Variants in MCU observed in about 807,000 individuals in gnomAD.
The protein encoded by MCU is calcium uniporter protein, mitochondrial.
In MCU, 12 loss-of-function variants were observed where a neutral mutation model predicts 45.2. That is an observed-to-expected ratio of 0.27 (90% CI 0.17 to 0.43). MCU has a LOEUF of 0.43. Ranked by LOEUF, MCU falls within the 20% of genes least tolerant of loss-of-function variation. The pLI, the probability that MCU is intolerant of heterozygous loss-of-function variation, is 1.00. For missense variants in MCU, 324 were observed against 436.7 expected (o/e 0.74, Z 2.30); for synonymous variants, 160 against 165.1 (o/e 0.97, Z 0.24).
intron 1 of MCU, among the ~76,000 whole-genome samples, chr10:72,739,141 A>G (rs1843290452): frequency 6.6e-6 from 1 of 152,178 alleles, no homozygotes; most frequent in African/African-American, 2.4e-5. Context: ...AAGTTATTGA[A>G]GTAGAAACTA....
At chr10:72,780,818 G>T (rs1158089533) in intron 1 of MCU, among the ~76,000 whole-genome samples, 1 of 152,022 alleles carries the variant, frequency 6.6e-6, no homozygotes, top group Non-Finnish European at 1.5e-5. Context: ...TACACTCACA[G>T]GCTTATTTGT....
intron 1 of MCU, among the ~76,000 whole-genome samples, chr10:72,741,413 T>C (rs1843330495): frequency 6.6e-6 from 1 of 152,218 alleles, no homozygotes; most frequent in Non-Finnish European, 1.5e-5. Flanking sequence ...AGTAGCATTT[T>C]CTTGACCATA....
intron 1 of MCU, among the ~76,000 whole-genome samples, chr10:72,822,638 C>T (rs890115390): frequency 2.0e-5 from 3 of 152,140 alleles, no homozygotes; most frequent in Non-Finnish European, 2.9e-5. Flanking sequence ...ATCAAAGCCA[C>T]GATGAGATAC....
intron 1 of MCU, among the ~76,000 whole-genome samples, chr10:72,720,033 G>A (rs991100865): frequency 3.9e-5 from 6 of 151,928 alleles, no homozygotes; most frequent in East Asian, 1.9e-4. Flanking sequence ...AAAATACTAC[G>A]CCCATCTAAT....
At chr10:72,816,168 C>T (rs1440190691) in intron 1 of MCU, among the ~76,000 whole-genome samples, 1 of 151,948 alleles carries the variant, frequency 6.6e-6, no homozygotes, top group African/African-American at 2.4e-5. Flanking sequence ...GAGACTCCAT[C>T]TCAAAAAAAT....
rs546633492 is a variant in MCU at position 72,857,385 on chromosome 10, G to A, written c.221-1792G>A. Among the ~76,000 whole-genome samples the A allele has an allele frequency of 7.8e-4, 119 of 151,986 alleles. 3 individuals carry two copies. In the South Asian group the frequency reaches 0.021, roughly 26 times the overall value. On this transcript the variant is annotated intron_variant, in intron 2 of 7. Coordinates refer to ENST00000373053, the MANE Select transcript of MCU (RefSeq NM_138357.3). ...CTCCCGAGTAGCTGGGACTACAAGC[G>A]TGCACCACCATGCCCAGCTAATTTT...
chr10:72,705,166 A>T (rs1268825190), intron 1 of MCU, among the ~76,000 whole-genome samples: 1 of 152,150 alleles, frequency 6.6e-6, no homozygotes, highest in Non-Finnish European at 1.5e-5. Flanking sequence ...CCTGGCCAAA[A>T]CAAATTTTTT....
At chr10:72,875,852 G>T (rs1471310875) in intron 6 of MCU, among the ~76,000 whole-genome samples, 3 of 152,226 alleles carry the variant, frequency 2.0e-5, no homozygotes, top group Non-Finnish European at 4.4e-5. Context: ...CTGTGTCAGC[G>T]TGCAGGTGGA....
chr10:72,835,161 T>C (rs1844938175), intron 2 of MCU, among the ~76,000 whole-genome samples: 1 of 152,218 alleles, frequency 6.6e-6, no homozygotes, highest in African/African-American at 2.4e-5. Flanking sequence ...AGGACTGCAA[T>C]ACTCTTCTTT....
intron 1 of MCU, among the ~76,000 whole-genome samples, chr10:72,822,767 G>C (rs1844733396): frequency 6.6e-6 from 1 of 152,118 alleles, no homozygotes; most frequent in South Asian, 2.1e-4. Flanking sequence ...TTAGAGCCCA[G>C]GAGGTCAAAG....
intron 6 of MCU, among the ~76,000 whole-genome samples, chr10:72,883,957 T>G (rs1487344201): frequency 6.6e-6 from 1 of 152,022 alleles, no homozygotes; most frequent in African/African-American, 2.4e-5. Flanking sequence ...AGTGATTACT[T>G]TGGGGGAAAG....
intron 1 of MCU, among the ~76,000 whole-genome samples, chr10:72,740,911 A>G (rs1843319184): frequency 6.6e-6 from 1 of 152,214 alleles, no homozygotes; most frequent in Admixed American, 6.5e-5. Flanking sequence ...AAAGGATTCT[A>G]ACTGTGTTTA....
intron 1 of MCU, among the ~76,000 whole-genome samples, chr10:72,704,707 T>C (rs972239732): frequency 0.032 from 4,027 of 125,084 alleles, 445 homozygotes; most frequent in Middle Eastern, 0.071. Flanking sequence ...CTGGATAATT[T>C]TTTTTTTTTT....
intron 1 of MCU, among the ~76,000 whole-genome samples, chr10:72,734,923 A>T (rs528138160): frequency 1.8e-4 from 28 of 152,034 alleles, no homozygotes; most frequent in African/African-American, 4.3e-4. Flanking sequence ...GAATAATTTT[A>T]AAAAAATTAG....
chr10:72,718,006 A>G (rs1842975294), intron 1 of MCU, among the ~76,000 whole-genome samples: 2 of 152,344 alleles, frequency 1.3e-5, no homozygotes, highest in East Asian at 3.9e-4. Flanking sequence ...TGTTACAATT[A>G]ACAAACCAAT....
intron 1 of MCU, chr10:72,736,671 T>C (rs1475191142): frequency 1.3e-5 from 2 of 152,262 alleles, no homozygotes; most frequent in African/African-American, 4.8e-5. Context: ...AGTAAATGTT[T>C]GCTTAGGATT....
chr10:72,692,499 G>C lies in MCU; in HGVS notation c.150+198G>C, dbSNP rs1159934322. On this transcript the variant is annotated intron_variant, in intron 1 of 7. Transcript: ENST00000373053. The stretch of plus-strand genomic sequence containing the variant: ...AGGAAGGGAGGGCGGGCGGGAGGAA[G>C]CCGAGAGGAGGAGGAGGGGCGACGG... The C allele has an allele frequency of 8.6e-6, 8 of 932,226 alleles. No individual in the cohort carries two copies. In the African/African-American group the frequency reaches 8.8e-5, roughly 10 times the overall value. The allele number at this position is 932,226 out of a possible 1,614,324, so 57.7% of individuals were successfully genotyped here. A position where few individuals can be genotyped will look rare whatever the true frequency, so the allele number is the denominator to read the frequency against.
At chr10:72,762,456 G>T (rs913482635) in intron 1 of MCU, among the ~76,000 whole-genome samples, 1 of 151,570 alleles carries the variant, frequency 6.6e-6, no homozygotes, top group Non-Finnish European at 1.5e-5. Context: ...CTACATACAT[G>T]CAAGTTCCAT....
chr10:72,837,852 A>C, intron 2 of MCU, among the ~76,000 whole-genome samples: 1 of 145,528 alleles, frequency 6.9e-6, no homozygotes, highest in Admixed American at 6.9e-5. Context: ...GATGCCCAAT[A>C]CTGGTTTTTT....
Sources: gnomAD v4.1 joint callset for allele counts (sites outside exome capture counted in the v4.1 genomes callset) on GRCh38, gnomAD v4.1.1 for gene constraint, MANE v1.5 for transcripts, NCBI Gene and HGNC (gene_info 2026-07-23, HGNC 2026-07-21) for gene names.